The following ZDHHC24 variants were observed in gnomAD, a reference collection of about 807,000 sequenced individuals.
ZDHHC24 encodes probable palmitoyltransferase ZDHHC24.
ZDHHC24 carries 17 observed loss-of-function variants against 23.2 expected under a neutral mutation model. The ratio of observed to expected loss-of-function variants is 0.73; its 90% CI spans 0.50 to 1.10. ZDHHC24 has a LOEUF of 1.10. Among genes scored for constraint, ZDHHC24 ranks in the 50% least tolerant of loss-of-function variants. ZDHHC24 has a pLI of 0.00. For synonymous variants in ZDHHC24, 186 were observed against 194.5 expected, an observed-to-expected ratio of 0.96 and a Z score of 0.36; for missense variants, 366 against 393.0, an observed-to-expected ratio of 0.93 and a Z score of 0.58.
rs1856985602 is a variant in ZDHHC24 at position 66,536,881 on chromosome 11, TAAAAAG to T, written c.*2642_*2647del. Reference sequence around the variant, plus strand: ...AAGAGTGAAACTCTGTCTCAAAAAATAAAAAGAGAAAGAAAGAAAATAAGAAATTGT... The same window carrying T: ...AAGAGTGAAACTCTGTCTCAAAAAATAGAAAGAAAGAAAATAAGAAATTGT... On this transcript the variant is annotated 3_prime_UTR_variant, in exon 3 of 3. Coordinates refer to ENST00000310442, the MANE Select transcript of ZDHHC24 (RefSeq NM_207340.3). 1 of 151,218 alleles carries T rather than the reference TAAAAAG, an allele frequency of 6.6e-6. No homozygotes were observed. The highest frequency in any genetic ancestry group is 2.1e-4 in the South Asian group (1 of 4,786). 9.4% of individuals were successfully genotyped at this position (151,218 alleles called of 1,614,324 possible).
At chr11:66,529,440 C>A in exon 3 of ZDHHC24, 2 of 842,390 alleles carry the variant, frequency 2.4e-6, no homozygotes, top group Non-Finnish European at 3.9e-6. Flanking sequence ...GCGTGGACAC[C>A]AAGGACTCCT....
intron 4 of ZDHHC24, chr11:66,526,668 G>T: frequency 6.2e-7 from 1 of 1,614,222 alleles, no homozygotes. Flanking sequence ...TGATCATCAA[G>T]ATCCTGAAGC....
chr11:66,544,578 C>T (rs927838181), intron 1 of ZDHHC24, among the ~76,000 whole-genome samples: 1 of 152,158 alleles, frequency 6.6e-6, no homozygotes, highest in Non-Finnish European at 1.5e-5. Flanking sequence ...CCACTTGTTA[C>T]CTCTGCCTGG....
chr11:66,523,453 C>G lies in ZDHHC24; in HGVS notation c.*22-1987G>C, dbSNP rs113994179. The G allele has an allele frequency of 6.2e-7, 1 of 1,614,120 alleles. No individual in the cohort carries two copies. The highest frequency in any genetic ancestry group is 1.1e-5 in the South Asian group (1 of 91,078). ...GCCAGACAGTGTGTTGTTTATTCCA[C>G]AGAGACTCCAAGCACCCCAAGTACT... On this transcript the variant is annotated intron_variant, in intron 4 of 4. Coordinates refer to the ZDHHC24 transcript ENST00000526986.
At chr11:66,543,366 C>T (rs181800837) in intron 2 of ZDHHC24, among the ~76,000 whole-genome samples, 1 of 152,266 alleles carries the variant, frequency 6.6e-6, no homozygotes, top group Non-Finnish European at 1.5e-5. Flanking sequence ...AATTCCCTGC[C>T]CACTCTCCAA....
At chr11:66,529,301 G>A (rs1325167615) in intron 3 of ZDHHC24, 35 of 1,535,854 alleles carry the variant, frequency 2.3e-5, no homozygotes, top group Middle Eastern at 1.8e-4. Flanking sequence ...AGGCAGTGAC[G>A]GAGGCAGGAC....
At chr11:66,539,845 G>C in intron 2 of ZDHHC24, 21 bp from the exon 3 acceptor site, 1 of 1,558,038 alleles carries the variant, frequency 6.4e-7, no homozygotes, top group Non-Finnish European at 8.7e-7. Flanking sequence ...AGAGCAGAGA[G>C]GGTCAGGGAG....
intron 4 of ZDHHC24, chr11:66,523,435 A>T (rs751914638): frequency 6.2e-7 from 1 of 1,614,184 alleles, no homozygotes; most frequent in Non-Finnish European, 8.5e-7. Context: ...GGGGCCAGAC[A>T]GTGTGTTGTT....
At chr11:66,529,765 T>G in intron 2 of ZDHHC24, 1 of 1,603,718 alleles carries the variant, frequency 6.2e-7, no homozygotes, top group Non-Finnish European at 8.5e-7. Flanking sequence ...CGTTGCTGCC[T>G]CCTCCCTGCC....
In ZDHHC24 at chr11:66,529,673, CCCT is replaced by C. The variant is rs1262757002; in HGVS notation, c.560-188_560-186del. 14 of 1,046,564 alleles carry C rather than the reference CCCT, an allele frequency of 1.3e-5. No individual in the cohort carries two copies. In the East Asian group the frequency reaches 1.5e-4, roughly 11 times the overall value. 64.8% of individuals were successfully genotyped at this position (1,046,564 alleles called of 1,614,324 possible). A position where few individuals can be genotyped will look rare whatever the true frequency, so the allele number is the denominator to read the frequency against. ...GTTTTGCCAGAAGGCTGGGCTCTTTCCCTCCTCCCCAGCTCCTGCAGACTCCTC... is the reference window on the plus strand; with the variant it reads ...GTTTTGCCAGAAGGCTGGGCTCTTTCCCTCCCCAGCTCCTGCAGACTCCTC... On this transcript the variant is annotated intron_variant, in intron 2 of 4. Transcript: ENST00000526986.
chr11:66,522,350 T>A (rs956726828), intron 4 of ZDHHC24, among the ~76,000 whole-genome samples: 14 of 150,152 alleles, frequency 9.3e-5, no homozygotes, highest in African/African-American at 2.2e-4. Flanking sequence ...TTTTTTTTTT[T>A]ATTTTGTGAG....
At chr11:66,526,576 T>C in intron 4 of ZDHHC24, 2 of 1,595,534 alleles carry the variant, frequency 1.3e-6, no homozygotes, top group Non-Finnish European at 1.7e-6. Flanking sequence ...AGGCAGATTG[T>C]TTGGGGAAGA....
chr11:66,532,125 G>C (rs1361871498), downstream of ZDHHC24: 3 of 1,374,740 alleles, frequency 2.2e-6, no homozygotes, highest in Non-Finnish European at 2.0e-6. Context: ...TCATGCAGCA[G>C]TGTGCTGGGG....
intron 4 of ZDHHC24, chr11:66,526,271 G>T: frequency 7.0e-7 from 1 of 1,436,934 alleles, no homozygotes; most frequent in Non-Finnish European, 9.8e-7. Context: ...AGAGGAGGAG[G>T]TGGAAATGAA....
At chr11:66,544,737 CAG>C (rs749783403) in intron 1 of ZDHHC24, among the ~76,000 whole-genome samples, 2 of 152,180 alleles carry the variant, frequency 1.3e-5, no homozygotes, top group Non-Finnish European at 2.9e-5. Context: ...TTTTTAGGGA[CAG>C]AGTCTCGCTA....
Position 66,545,992 on chromosome 11 carries a change from G to GGGCTGCCCCAT in ZDHHC24, c.1_11dup (p.Ala6GlyfsTer81), listed in dbSNP as rs1398912080. 3.9e-5 allele frequency: 55 copies of GGGCTGCCCCAT among 1,406,600 alleles called. No homozygotes were observed. Among genetic ancestry groups the GGGCTGCCCCAT allele is most frequent in the Non-Finnish European group, 4.8e-5 (52 of 1,093,552 alleles). 87.1% of individuals were successfully genotyped at this position (1,406,600 alleles called of 1,614,324 possible). A position where few individuals can be genotyped will look rare whatever the true frequency, so the allele number is the denominator to read the frequency against. ...CCCCGTCCGTGCTCCCAGCCGCCCAGGGCTGCCCCATGGCCTGGACACCCA... is the reference window on the plus strand; with the variant it reads ...CCCCGTCCGTGCTCCCAGCCGCCCAGGGCTGCCCCATGGCTGCCCCATGGCCTGGACACCCA... On this transcript the variant is annotated frameshift_variant, in exon 1 of 3. Transcript: ENST00000310442. LOFTEE classifies it high-confidence loss of function. The surrounding 1 kb of genome is among the most constrained non-coding windows in gnomAD (Gnocchi z 4.5).
chr11:66,523,130 C>T (rs925711496), intron 4 of ZDHHC24: 15 of 497,188 alleles, frequency 3.0e-5, no homozygotes, highest in African/African-American at 2.9e-4. Context: ...CCTGGCTAGT[C>T]CAGCCAAAGG....
Position 66,536,084 on chromosome 11 carries a change from C to T in ZDHHC24, c.*3445G>A, listed in dbSNP as rs904566549. 3.9e-5 allele frequency: 6 copies of T among 152,328 alleles called. No homozygotes were observed. The South Asian group carries it at 6.2e-4, about 16-fold the overall frequency. 9.4% of individuals were successfully genotyped at this position (152,328 alleles called of 1,614,324 possible). On this transcript the variant is annotated 3_prime_UTR_variant, in exon 3 of 3. Coordinates refer to ENST00000310442, the MANE Select transcript of ZDHHC24 (RefSeq NM_207340.3). Reference sequence around the variant, plus strand: ...AAAACATGCAAAGCCAACACAAACACATTAATAAAACTATAAAGCAAAGCA... The same window carrying T: ...AAAACATGCAAAGCCAACACAAACATATTAATAAAACTATAAAGCAAAGCA...
rs1287777898 is a variant in ZDHHC24, at chr11:66,545,329, G to A, written c.281+394C>T. Reference sequence around the variant, plus strand: ...GCTGGGATTACAGATGTGAGCCAACGCACCCGGCCTAACCACCTATTTAAT... The same window carrying A: ...GCTGGGATTACAGATGTGAGCCAACACACCCGGCCTAACCACCTATTTAAT... On this transcript the variant is annotated intron_variant, in intron 1 of 2. Transcript: ENST00000310442. This position sits in a 1 kb window ranked among gnomAD's most constrained non-coding sequence, Gnocchi z 4.5. Among the ~76,000 whole-genome samples the A allele has an allele frequency of 6.6e-6, 1 of 152,138 alleles. No individual in the cohort carries two copies. The highest frequency in any genetic ancestry group is 1.5e-5 in the Non-Finnish European group (1 of 68,026).
Sources: gnomAD v4.1 joint callset for allele counts (sites outside exome capture counted in the v4.1 genomes callset) on GRCh38, gnomAD v4.1.1 for gene constraint, Gnocchi (gnomAD v3.1) non-coding constraint, MANE v1.5 for transcripts, NCBI Gene and HGNC (gene_info 2026-07-23, HGNC 2026-07-21) for gene names.